Variants in CCPG1 observed in about 807,000 individuals in gnomAD.
The protein encoded by CCPG1 is cell cycle progression protein 1.
Under a neutral mutation model 81.3 loss-of-function variants are expected in CCPG1, and 46 were observed. The observed-to-expected ratio is 0.57, with a 90% CI of 0.45 to 0.72. CCPG1 has a LOEUF of 0.72. Ranked by LOEUF, CCPG1 falls within the 30% of genes least tolerant of loss-of-function variation. CCPG1 has a pLI of 0.00. For missense variants in CCPG1, 902 were observed against 937.6 expected, an observed-to-expected ratio of 0.96 and a Z score of 0.50; for synonymous variants, 330 against 305.2, an observed-to-expected ratio of 1.08 and a Z score of -0.85.
In CCPG1 at chr15:55,377,001, A is replaced by G; in HGVS notation, c.402T>C (p.Phe134=). 3 of 1,613,816 alleles carry G rather than the reference A, an allele frequency of 1.9e-6. No homozygotes were observed. The highest frequency in any genetic ancestry group is 2.2e-5 in the South Asian group (2 of 91,080). The stretch of plus-strand genomic sequence containing the variant: ...GGCTGCTAGAGGAAGAGCCCATGTT[A>G]AAGTCTTCTGAACTCTGTGCTTCTT... ...IVEEAQSSED[F]NMGSSSSSQY... Residue 134 remains phenylalanine (F), a synonymous_variant, in exon 5 of 9, where the codon TTT becomes TTC. Transcript: ENST00000442196.
At chr15:55,398,844 T>C (rs1203144024) in intron 1 of CCPG1, among the ~76,000 whole-genome samples, 1 of 152,192 alleles carries the variant, frequency 6.6e-6, no homozygotes, top group Non-Finnish European at 1.5e-5. Context: ...CCTCCCAAAG[T>C]GCTGGGATTA....
At chr15:55,371,696 T>C in intron 6 of CCPG1, 97 bp downstream of exon 6, 1 of 1,265,580 alleles carries the variant, frequency 7.9e-7, no homozygotes, top group Non-Finnish European at 1.1e-6. Flanking sequence ...GCCACACATT[T>C]AATAATGGCA....
intron 1 of CCPG1, among the ~76,000 whole-genome samples, chr15:55,392,032 A>C (rs2056929426): frequency 6.6e-6 from 1 of 151,054 alleles, no homozygotes; most frequent in African/African-American, 2.4e-5. Flanking sequence ...GATTCCTAAA[A>C]AAAAAAAAAA....
chr15:55,376,039 T>A (rs2141279236), intron 5 of CCPG1, among the ~76,000 whole-genome samples: 1 of 152,278 alleles, frequency 6.6e-6, no homozygotes, highest in African/African-American at 2.4e-5. Flanking sequence ...TGACAGAAAT[T>A]CTATTGTCTG....
chr15:55,356,401 T>A lies in CCPG1; in HGVS notation c.2243A>T (p.Asp748Val). Residue 748 changes from aspartate (D) to valine (V), a missense_variant, in exon 9 of 9, where the codon GAT (aspartate) becomes GTT (valine). Asp to Val is a radical substitution (Grantham distance 152). This residue lies in a region of CCPG1 where 128 missense variants were observed against 161.2 expected (regional missense o/e 0.79). Transcript: ENST00000442196. ...AATATTTACCATACGTTGCTTTTTATCAGGTCGACTGAAAGCAGTAAACAC... is the reference window on the plus strand; with the variant it reads ...AATATTTACCATACGTTGCTTTTTAACAGGTCGACTGAAAGCAGTAAACAC... ...FSPPYGPSRP[D>V]KKQRMVNIEN... 3.3e-6 allele frequency: 5 copies of A among 1,528,628 alleles called. No homozygotes were observed. The highest frequency in any genetic ancestry group is 3.5e-6 in the Non-Finnish European group (4 of 1,144,034). The allele number at this position is 1,528,628 out of a possible 1,614,324, so 94.7% of individuals were successfully genotyped here.
intron 1 of CCPG1, among the ~76,000 whole-genome samples, chr15:55,400,214 A>AAAG (rs2057102197): frequency 6.7e-6 from 1 of 148,834 alleles, no homozygotes; most frequent in East Asian, 1.9e-4. Flanking sequence ...AAAAAAAAAA[A>AAAG]AAAAAAAAAA....
chr15:55,392,210 ATTT>A (rs35816626), intron 1 of CCPG1, among the ~76,000 whole-genome samples: 17,580 of 122,972 alleles, frequency 0.14, 1,232 homozygotes, highest in African/African-American at 0.26. Context: ...ATCAGATTTG[ATTT>A]TTTTTTTTTT....
At position 55,397,298 on chromosome 15, in the gene CCPG1, C is replaced by G. The variant is rs181689568; in HGVS notation, c.-9-7865G>C. Among the ~76,000 whole-genome samples, 462 of 151,916 alleles carry G rather than the reference C, an allele frequency of 3.0e-3. 2 individuals are homozygous for G. The highest frequency in any genetic ancestry group is 0.01 in the Middle Eastern group (3 of 290). On this transcript the variant is annotated intron_variant, in intron 1 of 8. Transcript: ENST00000442196. ...ACAGACTGAGTAGGGCTTACAGATCCTAAGACTCCTTTTAAAAAGCGTTTT... is the reference window on the plus strand; with the variant it reads ...ACAGACTGAGTAGGGCTTACAGATCGTAAGACTCCTTTTAAAAAGCGTTTT...
intron 5 of CCPG1, among the ~76,000 whole-genome samples, chr15:55,376,502 T>G (rs772697803): frequency 2.0e-5 from 3 of 152,238 alleles, no homozygotes; most frequent in Non-Finnish European, 2.9e-5. Flanking sequence ...TCACATATGG[T>G]AGGTACTCAA....
At chr15:55,406,647 C>G (rs1411630375) in intron 1 of CCPG1, among the ~76,000 whole-genome samples, 9 of 151,452 alleles carry the variant, frequency 5.9e-5, no homozygotes, top group African/African-American at 1.9e-4. Context: ...GTCGGCCAGG[C>G]TGGTCTCGAA....
intron 5 of CCPG1, among the ~76,000 whole-genome samples, chr15:55,375,248 C>T (rs952288542): frequency 1.3e-5 from 2 of 151,882 alleles, no homozygotes; most frequent in Admixed American, 6.6e-5. Flanking sequence ...GGATTACAGG[C>T]GTGAGCCACC....
At position 55,385,679 on chromosome 15, in the gene CCPG1, G is replaced by A. The variant is rs1414539967; in HGVS notation, c.96C>T (p.Pro32=). 3 of 1,610,508 alleles carry A rather than the reference G, an allele frequency of 1.9e-6. No homozygotes were observed. Among genetic ancestry groups the A allele is most frequent in the Non-Finnish European group, 2.5e-6 (3 of 1,177,052 alleles). The part of the protein sequence containing the change: ...SDIEMLNSVT[P]TDSCEPAPEC... ...CTGGGGCGGGCTCACAGCTGTCAGT[G>A]GGGGTCACAGAATTCAACATTTCTA... The change falls in exon 3 of 9, where the codon CCC becomes CCT. Residue 32 remains proline (P), a synonymous_variant. Transcript: ENST00000442196.
chr15:55,400,203 CAAA>C (rs61331208), intron 1 of CCPG1, among the ~76,000 whole-genome samples: 3 of 32,952 alleles, frequency 9.1e-5, no homozygotes, highest in Admixed American at 9.1e-4. Flanking sequence ...TACTCTACCT[CAAA>C]AAAAAAAAAA....
At chr15:55,403,515 T>G (rs2057163804) in intron 1 of CCPG1, among the ~76,000 whole-genome samples, 1 of 152,084 alleles carries the variant, frequency 6.6e-6, no homozygotes, top group African/African-American at 2.4e-5. Flanking sequence ...CTTAAAGAGG[T>G]TTCCACACAT....
At chr15:55,389,542 AAC>A (rs2056873066) in intron 1 of CCPG1, 109 bp from the exon 2 acceptor site, 1 of 738,046 alleles carries the variant, frequency 1.4e-6, no homozygotes, top group Non-Finnish European at 2.4e-6. Flanking sequence ...TTCCAGGTGA[AAC>A]AGAGACAAGC....
chr15:55,384,231 C>A lies in CCPG1; in HGVS notation c.175+1369G>T, dbSNP rs141725431. Among the ~76,000 whole-genome samples, 1,494 of 152,258 alleles carry A rather than the reference C, an allele frequency of 9.8e-3. 20 individuals are homozygous for A. Among genetic ancestry groups the A allele is most frequent in the African/African-American group, 0.034 (1,414 of 41,536 alleles). On this transcript the variant is annotated intron_variant, in intron 3 of 8. Transcript: ENST00000442196. ...TGGCAAGTCAGTAGAGCAGTCAGAA[C>A]ACACACATTTATTAAGTTCACTGTC...
intron 7 of CCPG1, among the ~76,000 whole-genome samples, chr15:55,363,637 G>C (rs1218532868): frequency 1.3e-5 from 2 of 150,422 alleles, no homozygotes; most frequent in Non-Finnish European, 3.0e-5. Context: ...TTAGTACTTG[G>C]ATGGGAGAAG....
At chr15:55,407,247 A>G (rs1455421452) in intron 1 of CCPG1, among the ~76,000 whole-genome samples, 2 of 149,470 alleles carry the variant, frequency 1.3e-5, no homozygotes, top group African/African-American at 4.9e-5. Context: ...AAAAAATATG[A>G]ATTAAAATAA....
chr15:55,384,284 A>G (rs1280548991), intron 3 of CCPG1, among the ~76,000 whole-genome samples: 1 of 152,230 alleles, frequency 6.6e-6, no homozygotes, highest in Non-Finnish European at 1.5e-5. Flanking sequence ...ATGGTGTCCC[A>G]AAGGAATTAC....
Sources: allele counts gnomAD v4.1 joint callset (sites outside exome capture counted in the v4.1 genomes callset), GRCh38; gene constraint gnomAD v4.1.1; regional missense constraint gnomAD v4.1.1; transcripts MANE v1.5; gene names NCBI Gene and HGNC (gene_info 2026-07-23, HGNC 2026-07-21).